The following GRM1 variants were observed in gnomAD, a reference collection of about 807,000 sequenced individuals.
GRM1 encodes metabotropic glutamate receptor 1.
Under a neutral mutation model 90.9 loss-of-function variants are expected in GRM1, and 33 were observed. The observed-to-expected ratio is 0.36, with a 90% CI of 0.28 to 0.49. GRM1 has a LOEUF of 0.49. GRM1 is among the 20% of genes least tolerant of loss of function. GRM1 has a pLI of 0.99. For missense variants in GRM1, 1,190 were observed against 1,534.3 expected (o/e 0.78, Z 3.75); for synonymous variants, 700 against 613.2 (o/e 1.14, Z -2.09).
At chr6:146,208,961 A>G (rs1779585410) in intron 2 of GRM1, among the ~76,000 whole-genome samples, 1 of 152,162 alleles carries the variant, frequency 6.6e-6, no homozygotes, top group South Asian at 2.1e-4. Context: ...CTATGAGTAA[A>G]AATATTAATG....
intron 2 of GRM1, among the ~76,000 whole-genome samples, chr6:146,218,767 A>G (rs897714053): frequency 4.6e-5 from 7 of 152,168 alleles, no homozygotes; most frequent in Admixed American, 6.5e-5. Flanking sequence ...TTGTTTATCA[A>G]TTTCTGGAGG....
At chr6:146,073,252 G>A (rs552897426) in intron 1 of GRM1, among the ~76,000 whole-genome samples, 19 of 152,204 alleles carry the variant, frequency 1.2e-4, no homozygotes, top group African/African-American at 4.1e-4. Context: ...AAACCCTACG[G>A]TAGTTTGTTG....
intron 1 of GRM1, among the ~76,000 whole-genome samples, chr6:146,077,209 T>G (rs893264857): frequency 2.0e-5 from 3 of 152,230 alleles, no homozygotes; most frequent in African/African-American, 7.2e-5. Flanking sequence ...TCACTAGACT[T>G]GAAGACCACT....
intron 2 of GRM1, among the ~76,000 whole-genome samples, chr6:146,289,788 A>G (rs908081860): frequency 2.0e-5 from 3 of 152,236 alleles, no homozygotes; most frequent in Admixed American, 2.0e-4. Flanking sequence ...ATATAGTCAC[A>G]GGCTGCACAG....
chr6:146,181,674 G>T (rs1156941984), intron 2 of GRM1, among the ~76,000 whole-genome samples: 1 of 152,096 alleles, frequency 6.6e-6, no homozygotes, highest in Non-Finnish European at 1.5e-5. Context: ...TATTATTATA[G>T]CTCAAGCTGT....
At chr6:146,135,238 G>A (rs1776575484) in intron 1 of GRM1, among the ~76,000 whole-genome samples, 1 of 152,202 alleles carries the variant, frequency 6.6e-6, no homozygotes, top group African/African-American at 2.4e-5. Flanking sequence ...CTCATAGCTA[G>A]TAAACAGTAG....
At chr6:146,258,862 G>C (rs1304917939) in intron 2 of GRM1, among the ~76,000 whole-genome samples, 1 of 152,022 alleles carries the variant, frequency 6.6e-6, no homozygotes, top group Non-Finnish European at 1.5e-5. Flanking sequence ...CGACAGCAGG[G>C]GTCATACCTA....
rs191519159 is a variant in GRM1, at chr6:146,164,896, T to C, written c.950+5299T>C. Among the ~76,000 whole-genome samples the C allele has an allele frequency of 1.8e-3, 268 of 152,216 alleles. 1 individual carries two copies. The highest frequency in any genetic ancestry group is 6.1e-3 in the African/African-American group (254 of 41,550). On this transcript the variant is annotated intron_variant, in intron 2 of 7. Coordinates refer to ENST00000282753, the MANE Select transcript of GRM1 (RefSeq NM_001278064.2). ...TAGGTGTACCATATTTATTTATATA[T>C]TTGCTAGCCCTTTTTACTGGATTCT... is the stretch of plus-strand genomic sequence containing the variant.
At chr6:146,080,060 A>G (rs1776311727) in intron 1 of GRM1, among the ~76,000 whole-genome samples, 1 of 152,228 alleles carries the variant, frequency 6.6e-6, no homozygotes, top group Non-Finnish European at 1.5e-5. Flanking sequence ...TGTCACCAAT[A>G]AAGTAGGTAA....
intron 2 of GRM1, among the ~76,000 whole-genome samples, chr6:146,274,614 G>T (rs1313683852): frequency 1.3e-5 from 2 of 152,172 alleles, no homozygotes; most frequent in East Asian, 3.8e-4. Context: ...AGAAAGCAGA[G>T]ATTGCAATTA....
chr6:146,236,405 C>T lies in GRM1; in HGVS notation c.951-68206C>T, dbSNP rs564365827. On this transcript the variant is annotated intron_variant, in intron 2 of 7. Transcript: ENST00000282753. Reference sequence around the variant, plus strand: ...ATCACCTTTAGGTTTTCTTTTAATACCTGTCCTTGGAGAAGTGTTCGTTCT... The same window carrying T: ...ATCACCTTTAGGTTTTCTTTTAATATCTGTCCTTGGAGAAGTGTTCGTTCT... Among the ~76,000 whole-genome samples the T allele has an allele frequency of 3.0e-4, 46 of 152,196 alleles. 2 individuals are homozygous for T. In the South Asian group the frequency reaches 9.3e-3, roughly 31 times the overall value.
chr6:146,146,036 C>T lies in GRM1; in HGVS notation c.701-13312C>T, dbSNP rs1428331431. ...CAGACTTTCCTAAGGCCTCTTAACACTTTCTTTTGGCTTATTTCTTTTTGG... is the reference window on the plus strand; with the variant it reads ...CAGACTTTCCTAAGGCCTCTTAACATTTTCTTTTGGCTTATTTCTTTTTGG... On this transcript the variant is annotated intron_variant, in intron 1 of 7. Coordinates refer to ENST00000282753, the MANE Select transcript of GRM1 (RefSeq NM_001278064.2). Among the ~76,000 whole-genome samples, 8 of 142,608 alleles carry T rather than the reference C, an allele frequency of 5.6e-5. No individual in the cohort carries two copies. The Admixed American group carries it at 5.7e-4, about 10-fold the overall frequency. 93.6% of individuals were successfully genotyped at this position (142,608 alleles called of 152,430 possible).
chr6:146,225,749 T>A (rs28485664), intron 2 of GRM1, among the ~76,000 whole-genome samples: 1 of 152,124 alleles, frequency 6.6e-6, no homozygotes, highest in Admixed American at 6.6e-5. Flanking sequence ...ACTTAAATAA[T>A]GGGATTATTA....
At chr6:146,244,221 C>T (rs571011172) in intron 2 of GRM1, among the ~76,000 whole-genome samples, 1 of 152,114 alleles carries the variant, frequency 6.6e-6, no homozygotes, top group African/African-American at 2.4e-5. Context: ...AAAGTAAAGA[C>T]AGGCATAGGA....
intron 1 of GRM1, among the ~76,000 whole-genome samples, chr6:146,154,564 C>T (rs1284296700): frequency 2.0e-5 from 3 of 152,034 alleles, no homozygotes; most frequent in African/African-American, 7.2e-5. Context: ...GAGAAAAATG[C>T]ATTAATTTGA....
chr6:146,185,249 G>A (rs1302056846), intron 2 of GRM1, among the ~76,000 whole-genome samples: 1 of 152,110 alleles, frequency 6.6e-6, no homozygotes, highest in African/African-American at 2.4e-5. Context: ...TCCAATATAC[G>A]CTGACCAAAG....
intron 2 of GRM1, among the ~76,000 whole-genome samples, chr6:146,213,401 C>A (rs1779746293): frequency 1.3e-5 from 2 of 151,958 alleles, no homozygotes; most frequent in Admixed American, 6.6e-5. Context: ...AGTGAAAAAG[C>A]AAGAAGGGGG....
At chr6:146,127,559 G>A (rs1360533809) in intron 1 of GRM1, among the ~76,000 whole-genome samples, 1 of 152,136 alleles carries the variant, frequency 6.6e-6, no homozygotes, top group African/African-American at 2.4e-5. Context: ...GGGTGCAATA[G>A]ACCTACAATG....
chr6:146,218,372 A>G (rs528264004), intron 2 of GRM1, among the ~76,000 whole-genome samples: 93 of 152,326 alleles, frequency 6.1e-4, no homozygotes, highest in African/African-American at 2.1e-3. Context: ...ATGTGTGAAA[A>G]TATTTTTGAA....
Sources: gnomAD v4.1 joint callset for allele counts (sites outside exome capture counted in the v4.1 genomes callset) on GRCh38, gnomAD v4.1.1 for gene constraint, MANE v1.5 for transcripts, NCBI Gene and HGNC (gene_info 2026-07-23, HGNC 2026-07-21) for gene names.